NEB: variants seen among roughly 807,000 people sequenced by gnomAD.
NEB encodes nemaline myopathy type 2.
NEB carries 512 observed loss-of-function variants against 952.2 expected under a neutral mutation model. That is an observed-to-expected ratio of 0.54 (90% CI 0.50 to 0.58). The LOEUF is 0.58. Among genes scored for constraint, NEB ranks in the 20% least tolerant of loss-of-function variants. The pLI, the probability that NEB is intolerant of heterozygous loss-of-function variation, is 0.00. For missense variants in NEB, 8,428 were observed against 9,231.1 expected, an observed-to-expected ratio of 0.91 and a Z score of 3.56; for synonymous variants, 2,900 against 3,149.8, an observed-to-expected ratio of 0.92 and a Z score of 2.66.
chr2:151,677,749 T>C lies in NEB; in HGVS notation c.3590A>G (p.Asn1197Ser). 1 of 1,613,980 alleles carries C rather than the reference T, an allele frequency of 6.2e-7. No homozygotes were observed. The highest frequency in any genetic ancestry group is 8.5e-7 in the Non-Finnish European group (1 of 1,179,884). The change falls in exon 34 of 182, where the codon AAC becomes AGC. Residue 1197 changes from asparagine to serine, a missense_variant. Physicochemically the swap from Asn to Ser is conservative, Grantham distance 46. Transcript: ENST00000397345. The stretch of plus-strand genomic sequence containing the variant: ...CCAGCCAATGCCTTTCATCCAGTTG[T>C]TGTAGTCTTCCTTGTAGACGTTCTA... ...QSDNVYKEDY[N>S]NWMKGIGWIP...
intron 32 of NEB, 57 bp from the exon 33 acceptor site, chr2:151,678,244 C>T: frequency 9.0e-7 from 1 of 1,110,548 alleles, no homozygotes; most frequent in Non-Finnish European, 1.3e-6. Context: ...CTTTACTAAA[C>T]AATGAGGCCA....
intron 29 of NEB, 74 bp downstream of exon 29, chr2:151,682,588 G>T (rs913550109): frequency 8.4e-7 from 1 of 1,195,176 alleles, no homozygotes; most frequent in Non-Finnish European, 1.2e-6. Context: ...CAATGAAGGA[G>T]CACTGCCCAT....
chr2:151,515,071 A>G (rs560418316), intron 157 of NEB, 143 bp from the exon 158 acceptor site: 77 of 619,776 alleles, frequency 1.2e-4, no homozygotes, highest in Non-Finnish European at 1.8e-4. Context: ...CATTTGAAAC[A>G]TGTATGATTG....
intron 76 of NEB, among the ~76,000 whole-genome samples, chr2:151,615,606 A>G (rs1324485648): frequency 1.3e-5 from 2 of 152,222 alleles, no homozygotes; most frequent in African/African-American, 4.8e-5. Context: ...AAGAGTTTAC[A>G]TGTATATTGG....
intron 47 of NEB, 147 bp downstream of exon 47, chr2:151,658,918 G>A: frequency 1.4e-6 from 1 of 731,266 alleles, no homozygotes. Flanking sequence ...ACTCCGCAAA[G>A]CAAAATTAGA....
chr2:151,641,951 T>C (rs900960319), intron 60 of NEB, among the ~76,000 whole-genome samples: 2 of 152,188 alleles, frequency 1.3e-5, no homozygotes, highest in African/African-American at 4.8e-5. Flanking sequence ...CTCCTAATGC[T>C]ATCCCTCCTC....
intron 141 of NEB, among the ~76,000 whole-genome samples, chr2:151,535,997 C>T (rs1398828310): frequency 6.6e-6 from 1 of 152,220 alleles, no homozygotes; most frequent in African/African-American, 2.4e-5. Context: ...ACCTCCGCCT[C>T]CCAGGCTCCA....
intron 30 of NEB, among the ~76,000 whole-genome samples, chr2:151,680,514 G>A (rs957629498): frequency 6.6e-6 from 1 of 152,028 alleles, no homozygotes; most frequent in African/African-American, 2.4e-5. Flanking sequence ...AGAAAGAAAT[G>A]TCAAATGGCT....
Position 151,619,657 on chromosome 2 carries a change from G to T in NEB, c.10666C>A (p.Gln3556Lys). 2 of 1,613,954 alleles carry T rather than the reference G, an allele frequency of 1.2e-6. No homozygotes were observed. Among genetic ancestry groups the T allele is most frequent in the Non-Finnish European group, 1.7e-6 (2 of 1,179,870 alleles). The stretch of plus-strand genomic sequence containing the variant: ...TCTTTCTTGTACTCACGGTCACTCT[G>T]CACTTTGGCAATGTGGAGGGACCAC... ...IMWSLHIAKV[Q>K]SDREYKKDFE... Residue 3556 changes from glutamine to lysine, a missense_variant, in exon 73 of 182, where the codon CAG becomes AAG. Transcript: ENST00000397345.
chr2:151,686,880 C>T (rs533759930), intron 27 of NEB, among the ~76,000 whole-genome samples: 412 of 152,210 alleles, frequency 2.7e-3, no homozygotes, highest in Non-Finnish European at 4.4e-3. Context: ...CACCAAAATT[C>T]AGGCAAAAGG....
chr2:151,668,891 G>T, intron 39 of NEB, 136 bp downstream of exon 39: 1 of 602,072 alleles, frequency 1.7e-6, no homozygotes, highest in Non-Finnish European at 2.8e-6. Flanking sequence ...GGCTCATGTT[G>T]CATGGTTAAG....
At chr2:151,504,023 TTC>T (rs1352071190) in intron 165 of NEB, among the ~76,000 whole-genome samples, 1 of 152,132 alleles carries the variant, frequency 6.6e-6, no homozygotes. Flanking sequence ...AACTAGTGTT[TTC>T]TGAATTGGGA....
In NEB at chr2:151,631,317, C is replaced by T. The variant is rs1353578140; in HGVS notation, c.9444G>A (p.Leu3148=). ...DNIYKSDLQW[L]RGIGWVPIGS... ...CAATGGGGACCCAGCCAATGCCTCT[C>T]AGCCACTGGAGATCTGACTTGTAAA... Residue 3148 remains leucine, a synonymous_variant, in exon 66 of 182, where the codon CTG becomes CTA. Transcript: ENST00000397345. 1.9e-6 allele frequency: 3 copies of T among 1,613,750 alleles called. No homozygotes were observed. Among genetic ancestry groups the T allele is most frequent in the South Asian group, 2.2e-5 (2 of 91,066 alleles).
At chr2:151,665,603 T>G in intron 41 of NEB, 64 bp from the exon 42 acceptor site, 1 of 1,351,620 alleles carries the variant, frequency 7.4e-7, no homozygotes, top group Admixed American at 2.6e-5. Flanking sequence ...TTTGGCTATG[T>G]GATTTACTTA....
At chr2:151,534,422 G>T in intron 142 of NEB, 1 of 938,970 alleles carries the variant, frequency 1.1e-6, no homozygotes, top group Non-Finnish European at 1.7e-6. Flanking sequence ...GTCATCTCTA[G>T]TGGCGGGCTC....
rs71000481 is a variant in NEB, at chr2:151,620,347, G to GTATATATATATA, written c.10560+560_10560+571dup. 1.6e-3 allele frequency among the ~76,000 whole-genome samples: 78 copies of GTATATATATATA among 48,386 alleles called. 1 individual carries two copies. Among genetic ancestry groups the GTATATATATATA allele is most frequent in the Non-Finnish European group, 1.9e-3 (49 of 26,206 alleles). The allele number at this position is 48,386 out of a possible 152,430, so 31.7% of individuals were successfully genotyped here. ...TTATTATATATATATGTATGTGTGT[G>GTATATATATATA]TATATATATATATATATATATATAT... On this transcript the variant is annotated intron_variant, in intron 72 of 181. Transcript: ENST00000397345.
At chr2:151,553,184 T>C (rs1424547326) in intron 127 of NEB, among the ~76,000 whole-genome samples, 1 of 152,192 alleles carries the variant, frequency 6.6e-6, no homozygotes, top group African/African-American at 2.4e-5. Context: ...TGGTCCCTTC[T>C]CCACCAGAGG....
In NEB at chr2:151,643,231, G is replaced by A. The variant is rs772680242; in HGVS notation, c.8079C>T (p.His2693=). 2 of 1,613,884 alleles carry A rather than the reference G, an allele frequency of 1.2e-6. No homozygotes were observed. The highest frequency in any genetic ancestry group is 1.7e-4 in the Middle Eastern group (1 of 6,060). ...GGCTGGAAAACTTAAATTGATCTGG[G>A]TGCTGACGGTAAACATGGTCACTCA... The part of the protein sequence containing the change: ...QILSDHVYRQ[H]PDQFKFSSLM... Residue 2693 remains histidine (H), a synonymous_variant, in exon 58 of 182, where the codon CAC becomes CAT. Coordinates refer to ENST00000397345, the MANE Select transcript of NEB (RefSeq NM_001164508.2).
intron 52 of NEB, among the ~76,000 whole-genome samples, chr2:151,652,624 T>C (rs1252749716): frequency 6.6e-6 from 1 of 152,196 alleles, no homozygotes; most frequent in African/African-American, 2.4e-5. Flanking sequence ...TTATGTTATC[T>C]TCCGACTCTA....
Sources: gnomAD v4.1 joint callset for allele counts (sites outside exome capture counted in the v4.1 genomes callset) on GRCh38, gnomAD v4.1.1 for gene constraint, MANE v1.5 for transcripts, NCBI Gene and HGNC (gene_info 2026-07-23, HGNC 2026-07-21) for gene names.